Variants in LARGE1 observed in about 807,000 individuals in gnomAD.
LARGE1 encodes the protein LARGE xylosyl- and glucuronyltransferase 1, also known as xylosyl- and glucuronyltransferase LARGE1.
In LARGE1, 43 loss-of-function variants were observed where a neutral mutation model predicts 87.6. The observed-to-expected ratio is 0.49, with a 90% CI of 0.38 to 0.63. LARGE1 has a LOEUF of 0.63. LARGE1 is among the 30% of genes least tolerant of loss of function. The pLI, the probability that LARGE1 is intolerant of heterozygous loss-of-function variation, is 0.00. For synonymous variants in LARGE1, 434 were observed against 394.6 expected, an observed-to-expected ratio of 1.10 and a Z score of -1.18; for missense variants, 802 against 1,000.2, an observed-to-expected ratio of 0.80 and a Z score of 2.67.
chr22:33,577,297 G>T (rs984664658), intron 5 of LARGE1, among the ~76,000 whole-genome samples: 13 of 152,112 alleles, frequency 8.5e-5, no homozygotes, highest in African/African-American at 3.1e-4. Flanking sequence ...TTAAAAAGAG[G>T]TTAAGAAACA....
intron 11 of LARGE1, among the ~76,000 whole-genome samples, chr22:33,309,761 G>C (rs1935356035): frequency 6.6e-6 from 1 of 152,166 alleles, no homozygotes; most frequent in Non-Finnish European, 1.5e-5. Context: ...GGTAACAATG[G>C]GCTCAGCATG....
At chr22:33,330,393 G>A (rs958889139) in intron 10 of LARGE1, among the ~76,000 whole-genome samples, 10 of 152,048 alleles carry the variant, frequency 6.6e-5, no homozygotes. Context: ...ATCGATCATA[G>A]CTCACTTCAA....
intron 1 of LARGE1, among the ~76,000 whole-genome samples, chr22:33,802,183 G>C (rs754287068): frequency 2.6e-5 from 4 of 152,130 alleles, no homozygotes; most frequent in Non-Finnish European, 5.9e-5. Flanking sequence ...TCTGACCCCA[G>C]GCAGAGCCAA....
the LARGE1 span, among the ~76,000 whole-genome samples, chr22:33,101,188 T>C: frequency 6.6e-6 from 1 of 152,152 alleles, no homozygotes; most frequent in Admixed American, 6.5e-5. Flanking sequence ...TATTTTGCCA[T>C]TGGAGGTAGA....
chr22:33,499,045 T>A (rs2070303996), intron 6 of LARGE1, among the ~76,000 whole-genome samples: 1 of 152,040 alleles, frequency 6.6e-6, no homozygotes, highest in Admixed American at 6.6e-5. Context: ...CAGAGACTCT[T>A]GTGGCTTTAA....
chr22:33,670,319 G>C (rs1306679374), intron 2 of LARGE1, among the ~76,000 whole-genome samples: 1 of 151,976 alleles, frequency 6.6e-6, no homozygotes, highest in Admixed American at 6.6e-5. Context: ...TGCTGAAGTA[G>C]CATTTGGAAG....
the LARGE1 span, among the ~76,000 whole-genome samples, chr22:33,118,641 A>G: frequency 9.2e-5 from 14 of 152,276 alleles, no homozygotes; most frequent in South Asian, 2.7e-3. Flanking sequence ...CGGTCCTCCA[A>G]AGGTTCACAG....
chr22:33,282,453 C>T (rs1286054081), intron 13 of LARGE1, among the ~76,000 whole-genome samples: 1 of 152,210 alleles, frequency 6.6e-6, no homozygotes, highest in Non-Finnish European at 1.5e-5. Context: ...ACCTAGCAGG[C>T]CACCTACTTT....
chr22:33,626,050 C>T (rs1412847391), intron 4 of LARGE1, among the ~76,000 whole-genome samples, 194 bp downstream of exon 4: 1 of 152,206 alleles, frequency 6.6e-6, no homozygotes, highest in African/African-American at 2.4e-5. Flanking sequence ...CTAAACATGG[C>T]AAGACAGCAC....
chr22:33,564,347 A>G (rs965541943), intron 6 of LARGE1, among the ~76,000 whole-genome samples: 2 of 152,182 alleles, frequency 1.3e-5, no homozygotes. Context: ...AATAATAGCT[A>G]TAAAGAAACC....
In LARGE1 at chr22:33,920,092, C is replaced by T. The variant is rs1701597871; in HGVS notation, c.-180G>A. ...AGGCGCAGGGGGTCCGGGTCAGGGT[C>T]CCGGCAGGCGCTGCCCTACTCGGAG... On this transcript the variant is annotated 5_prime_UTR_variant, in exon 1 of 15. Transcript: ENST00000397394. 6.6e-6 allele frequency: 1 copy of T among 152,052 alleles called. No homozygotes were observed. Among genetic ancestry groups the T allele is most frequent in the African/African-American group, 2.4e-5 (1 of 41,386 alleles). 9.4% of individuals were successfully genotyped at this position (152,052 alleles called of 1,614,324 possible).
At chr22:33,261,104 C>A (rs1348227323) in intron 11 of LARGE1, among the ~76,000 whole-genome samples, 1 of 152,190 alleles carries the variant, frequency 6.6e-6, no homozygotes, top group Non-Finnish European at 1.5e-5. Flanking sequence ...ATGCGTGTAC[C>A]AGCACCCCTT....
intron 11 of LARGE1, among the ~76,000 whole-genome samples, chr22:33,217,279 T>C (rs760698434): frequency 2.7e-5 from 4 of 150,872 alleles, no homozygotes; most frequent in Non-Finnish European, 5.9e-5. Context: ...TCTCCAGGAC[T>C]GATAGCATTG....
intron 5 of LARGE1, among the ~76,000 whole-genome samples, chr22:33,598,304 C>A (rs886887667): frequency 1.3e-5 from 2 of 152,102 alleles, no homozygotes; most frequent in African/African-American, 2.4e-5. Context: ...AATAACAGGA[C>A]CTAGTCCATA....
rs35976426 is a variant in LARGE1, at chr22:33,441,071, C to CTTTTT, written c.788-8811_788-8807dup. On this transcript the variant is annotated intron_variant, in intron 6 of 14. Coordinates refer to ENST00000397394, the MANE Select transcript of LARGE1 (RefSeq NM_133642.5). ...CTCAGCTGCTGCTATTTTGTTTGAA[C>CTTTTT]TTTTTTTTTTTTTTTTTTTTGAGAG... Among the ~76,000 whole-genome samples, 79 of 98,508 alleles carry CTTTTT rather than the reference C, an allele frequency of 8.0e-4. 4 individuals are homozygous for CTTTTT. The highest frequency in any genetic ancestry group is 1.7e-3 in the South Asian group (5 of 2,924). 64.6% of individuals were successfully genotyped at this position (98,508 alleles called of 152,430 possible). A position where few individuals can be genotyped will look rare whatever the true frequency, so the allele number is the denominator to read the frequency against.
At chr22:33,632,607 G>T (rs73168591) in intron 3 of LARGE1, among the ~76,000 whole-genome samples, 11,357 of 151,962 alleles carry the variant, frequency 0.075, 534 homozygotes, top group Middle Eastern at 0.13. Flanking sequence ...CCTCTGTGTT[G>T]CCTCCCCTCA....
At chr22:33,253,091 A>AC (rs1250866590) in intron 11 of LARGE1, among the ~76,000 whole-genome samples, 110 of 152,198 alleles carry the variant, frequency 7.2e-4, no homozygotes, top group Non-Finnish European at 8.8e-5. Flanking sequence ...AAGGAGAATG[A>AC]ACAGACGTGT....
Position 33,401,422 on chromosome 22 carries a change from T to C in LARGE1, c.893-17118A>G, listed in dbSNP as rs12159755. Among the ~76,000 whole-genome samples the C allele has an allele frequency of 8.8e-3, 1,343 of 152,260 alleles. 20 individuals carry two copies. The highest frequency in any genetic ancestry group is 0.031 in the African/African-American group (1,271 of 41,540). ...AGGCAAATGAGACATCCTCGTGTGC[T>C]GTGAAGCATCTAGCCAGATTGATGA... On this transcript the variant is annotated intron_variant, in intron 7 of 14. Coordinates refer to ENST00000397394, the MANE Select transcript of LARGE1 (RefSeq NM_133642.5).
chr22:33,534,346 G>T (rs573976644), intron 6 of LARGE1, among the ~76,000 whole-genome samples: 48 of 152,084 alleles, frequency 3.2e-4, no homozygotes, highest in Non-Finnish European at 6.2e-4. Context: ...GGAGCTTGCA[G>T]TGAGCGGAGA....
Sources: gnomAD v4.1 joint callset for allele counts (sites outside exome capture counted in the v4.1 genomes callset) on GRCh38, gnomAD v4.1.1 for gene constraint, MANE v1.5 for transcripts, NCBI Gene and HGNC (gene_info 2026-07-23, HGNC 2026-07-21) for gene names.